Variants in NAALADL2 observed in about 807,000 individuals in gnomAD.
NAALADL2 encodes N-acetylated alpha-linked acidic dipeptidase like 2.
Under a neutral mutation model 87.2 loss-of-function variants are expected in NAALADL2, and 76 were observed. The observed-to-expected ratio is 0.87, with a 90% CI of 0.72 to 1.05. The LOEUF (loss-of-function observed/expected upper bound fraction) is 1.05. Ranked by LOEUF, NAALADL2 falls within the 50% of genes least tolerant of loss-of-function variation. The pLI, the probability that NAALADL2 is intolerant of heterozygous loss-of-function variation, is 0.00. For synonymous variants in NAALADL2, 354 were observed against 331.0 expected (o/e 1.07, Z -0.75); for missense variants, 1,089 against 945.8 (o/e 1.15, Z -1.99).
chr3:175,408,189 C>A (rs1285981820), intron 5 of NAALADL2, among the ~76,000 whole-genome samples: 1 of 151,930 alleles, frequency 6.6e-6, no homozygotes, highest in African/African-American at 2.4e-5. Context: ...GGAGAGAACT[C>A]AGTTTTGGTG....
rs551597318 is a variant in NAALADL2, at chr3:175,376,929, A to G, written c.1090+52604A>G. 1.2e-4 allele frequency among the ~76,000 whole-genome samples: 19 copies of G among 152,004 alleles called. No individual in the cohort carries two copies. In the East Asian group the frequency reaches 2.7e-3, roughly 22 times the overall value. ...TCCCAGTAAATTTTTCATTTCGGGTATTCTGCTTTTTTGATTTTAGGAGGT... is the reference window on the plus strand; with the variant it reads ...TCCCAGTAAATTTTTCATTTCGGGTGTTCTGCTTTTTTGATTTTAGGAGGT... On this transcript the variant is annotated intron_variant, in intron 5 of 13. Transcript: ENST00000454872.
intron 1 of NAALADL2, among the ~76,000 whole-genome samples, chr3:175,063,834 A>C (rs554449149): frequency 6.6e-6 from 1 of 152,282 alleles, no homozygotes; most frequent in South Asian, 2.1e-4. Context: ...AGTTTAAAAT[A>C]ACGCTTAAAA....
intron 1 of NAALADL2, among the ~76,000 whole-genome samples, chr3:174,970,567 A>G (rs541066811): frequency 3.3e-5 from 5 of 152,326 alleles, no homozygotes; most frequent in Admixed American, 6.5e-5. Context: ...ATTCATTAAT[A>G]TAAATGAGGT....
At chr3:175,289,374 C>G in intron 4 of NAALADL2, among the ~76,000 whole-genome samples, 1 of 151,944 alleles carries the variant, frequency 6.6e-6, no homozygotes, top group South Asian at 2.1e-4. Context: ...TAATAGATGT[C>G]AATGGATAGA....
At chr3:175,683,423 C>T (rs760369470) in intron 11 of NAALADL2, among the ~76,000 whole-genome samples, 2 of 151,794 alleles carry the variant, frequency 1.3e-5, no homozygotes, top group East Asian at 1.9e-4. Context: ...TTAAAACTTG[C>T]TTTATCAAAA....
intron 11 of NAALADL2, among the ~76,000 whole-genome samples, chr3:175,630,171 C>CT (rs1182722781): frequency 6.6e-6 from 1 of 151,666 alleles, no homozygotes; most frequent in African/African-American, 2.4e-5. Flanking sequence ...AATAGCAGAA[C>CT]TGAGAAACCA....
chr3:175,551,922 CAAAA>C (rs11456834), intron 9 of NAALADL2, among the ~76,000 whole-genome samples: 1 of 122,730 alleles, frequency 8.1e-6, no homozygotes, highest in Non-Finnish European at 1.7e-5. Context: ...GACTCTGTCT[CAAAA>C]AAAAAAAAAA....
rs1726325362 is a variant in NAALADL2, at chr3:175,122,652, T to A, written c.545+25361T>A. 2.0e-5 allele frequency among the ~76,000 whole-genome samples: 3 copies of A among 151,726 alleles called. No individual in the cohort carries two copies. In the South Asian group the frequency reaches 6.2e-4, roughly 31 times the overall value. On this transcript the variant is annotated intron_variant, in intron 2 of 13. Coordinates refer to ENST00000454872, the MANE Select transcript of NAALADL2 (RefSeq NM_207015.3). Reference sequence around the variant, plus strand: ...TAATGGGTCTTGCTTATATCTGGGGTTTGCTTGAAGCAGCTTTCTCTTTAT... The same window carrying A: ...TAATGGGTCTTGCTTATATCTGGGGATTGCTTGAAGCAGCTTTCTCTTTAT...
At chr3:175,682,889 G>A (rs1380111199) in intron 11 of NAALADL2, among the ~76,000 whole-genome samples, 1 of 151,866 alleles carries the variant, frequency 6.6e-6, no homozygotes, top group Non-Finnish European at 1.5e-5. Flanking sequence ...TAGCCTATCT[G>A]ACATAACTGT....
chr3:174,501,993 A>C (rs1718928637), intron 1 of NAALADL2, among the ~76,000 whole-genome samples: 1 of 151,978 alleles, frequency 6.6e-6, no homozygotes, highest in Non-Finnish European at 1.5e-5. Context: ...TTTGAATTAA[A>C]GGTTGCATAG....
intron 6 of NAALADL2, among the ~76,000 whole-genome samples, chr3:175,448,646 G>A (rs1305049970): frequency 6.6e-6 from 1 of 152,120 alleles, no homozygotes; most frequent in East Asian, 1.9e-4. Context: ...ATCTTAAATA[G>A]TTGTGAGAAT....
At chr3:175,439,022 TC>T (rs1719231791) in intron 5 of NAALADL2, among the ~76,000 whole-genome samples, 1 of 152,098 alleles carries the variant, frequency 6.6e-6, no homozygotes, top group South Asian at 2.1e-4. Flanking sequence ...TTCCCTCAAG[TC>T]CCCAAAGTCC....
intron 1 of NAALADL2, among the ~76,000 whole-genome samples, chr3:174,874,172 A>G (rs1728196203): frequency 6.6e-6 from 1 of 152,112 alleles, no homozygotes; most frequent in South Asian, 2.1e-4. Context: ...TGAGTACGAT[A>G]TAGTTAAGGC....
chr3:175,030,902 C>T (rs530475670), intron 1 of NAALADL2, among the ~76,000 whole-genome samples: 1 of 151,834 alleles, frequency 6.6e-6, no homozygotes. Context: ...GGTTTTATTG[C>T]ACTTTGCAGA....
At chr3:174,777,270 T>C (rs1715327508) in intron 3 of NAALADL2, among the ~76,000 whole-genome samples, 1 of 152,106 alleles carries the variant, frequency 6.6e-6, no homozygotes, top group African/African-American at 2.4e-5. Flanking sequence ...ATGTAGGTAA[T>C]GTGTAAAAAA....
intron 9 of NAALADL2, among the ~76,000 whole-genome samples, chr3:175,560,820 C>G (rs910855579): frequency 2.0e-5 from 3 of 152,144 alleles, no homozygotes; most frequent in African/African-American, 7.2e-5. Context: ...TGGGCTTTCA[C>G]CATGTTGGCC....
At chr3:174,564,122 A>G (rs967200909) in intron 2 of NAALADL2, among the ~76,000 whole-genome samples, 1 of 152,102 alleles carries the variant, frequency 6.6e-6, no homozygotes, top group Non-Finnish European at 1.5e-5. Flanking sequence ...TTCATATAAG[A>G]TTCATATGAG....
At chr3:175,290,417 G>T (rs903670902) in intron 4 of NAALADL2, among the ~76,000 whole-genome samples, 2 of 152,158 alleles carry the variant, frequency 1.3e-5, no homozygotes, top group Admixed American at 1.3e-4. Context: ...GAGAGAGAAA[G>T]TAGATCAGTG....
rs578038083 is a variant in NAALADL2 at position 175,220,913 on chromosome 3, A to G, written c.546-13018A>G. Among the ~76,000 whole-genome samples the G allele has an allele frequency of 9.0e-4, 137 of 152,184 alleles. 1 individual carries two copies. The highest frequency in any genetic ancestry group is 1.6e-3 in the Admixed American group (25 of 15,266). ...ATTATCATTCATTTCAAGATATTTT[A>G]GGCTGGGCGTGGTGGCTCAAGCCTG... is the stretch of plus-strand genomic sequence containing the variant. On this transcript the variant is annotated intron_variant, in intron 2 of 13. Coordinates refer to ENST00000454872, the MANE Select transcript of NAALADL2 (RefSeq NM_207015.3).
Sources: gnomAD v4.1 joint callset for allele counts (sites outside exome capture counted in the v4.1 genomes callset) on GRCh38, gnomAD v4.1.1 for gene constraint, MANE v1.5 for transcripts, NCBI Gene and HGNC (gene_info 2026-07-23, HGNC 2026-07-21) for gene names.